Variants in SLIRP observed in about 807,000 individuals in gnomAD.
SLIRP encodes the protein SRA stem-loop-interacting RNA-binding protein, mitochondrial.
A neutral mutation model predicts 13.4 loss-of-function variants in SLIRP; 12 were observed. The observed-to-expected ratio is 0.89, with a 90% CI of 0.57 to 1.45. The LOEUF (loss-of-function observed/expected upper bound fraction) is 1.45, where lower values mean the gene tolerates loss of function less well. SLIRP is among the 40% of genes most tolerant of loss of function. The pLI is 0.00. For synonymous variants in SLIRP, 55 were observed against 47.1 expected, an observed-to-expected ratio of 1.17 and a Z score of -0.69; for missense variants, 154 against 132.2, an observed-to-expected ratio of 1.17 and a Z score of -0.81.
At chr14:77,709,280 A>C (rs772894795) in intron 1 of SLIRP, among the ~76,000 whole-genome samples, 3 of 152,184 alleles carry the variant, frequency 2.0e-5, no homozygotes. Context: ...GTAGATATTC[A>C]TGTTTCAGGT....
intron 3 of SLIRP, chr14:77,716,460 C>G (rs892998491): frequency 2.0e-5 from 3 of 151,526 alleles, no homozygotes; most frequent in African/African-American, 7.3e-5. Context: ...CCAGCCTGAC[C>G]AACATGGAGA....
chr14:77,711,072 G>T (rs2080436587), intron 2 of SLIRP, among the ~76,000 whole-genome samples, 176 bp downstream of exon 2: 1 of 151,894 alleles, frequency 6.6e-6, no homozygotes, highest in Non-Finnish European at 1.5e-5. Flanking sequence ...ATAAATGCCT[G>T]AGGGGATGGA....
Position 77,708,227 on chromosome 14 carries a change from G to A in SLIRP, c.97+19G>A, listed in dbSNP as rs2080411422. The A allele has an allele frequency of 1.2e-6, 2 of 1,612,382 alleles. No individual in the cohort carries two copies. The highest frequency in any genetic ancestry group is 4.5e-5 in the East Asian group (2 of 44,884). ...GCGTCGAGTGAGTGATGGAGATGTG[G>A]GAGTAGTGGAATTTTTAGGTCCAAG... is the stretch of plus-strand genomic sequence containing the variant. On this transcript the variant is annotated intron_variant, in intron 1 of 3. Transcript: ENST00000557342.
In SLIRP at chr14:77,716,664, AT is replaced by A. The variant is rs1303177221; in HGVS notation, c.264+786del. On this transcript the variant is annotated intron_variant, in intron 3 of 3. Coordinates refer to ENST00000557342, the MANE Select transcript of SLIRP (RefSeq NM_031210.6). The stretch of plus-strand genomic sequence containing the variant: ...TCTCAAAAAAAAAAAAAAAAAAAAA[AT>A]GGGGGGTGGTAGAGTGCCCAGTTTT... Among the ~76,000 whole-genome samples the A allele has an allele frequency of 3.6e-4, 45 of 126,680 alleles. No individual in the cohort carries two copies. The East Asian group carries it at 6.5e-3, about 18-fold the overall frequency. 83.1% of individuals were successfully genotyped at this position (126,680 alleles called of 152,430 possible).
chr14:77,715,920 G>T, intron 3 of SLIRP, 41 bp downstream of exon 3: 2 of 1,391,144 alleles, frequency 1.4e-6, no homozygotes, highest in Non-Finnish European at 2.0e-6. Context: ...TGATATACAT[G>T]TAGGTACTAT....
chr14:77,709,857 C>T (rs183559566), intron 1 of SLIRP, among the ~76,000 whole-genome samples: 2 of 152,102 alleles, frequency 1.3e-5, no homozygotes, highest in African/African-American at 4.8e-5. Context: ...AAAATTTAGT[C>T]TCTGTGGATT....
chr14:77,712,274 C>T (rs1186175018), intron 2 of SLIRP, among the ~76,000 whole-genome samples: 1 of 89,162 alleles, frequency 1.1e-5, no homozygotes, highest in African/African-American at 5.1e-5. Context: ...TGGCAAAATT[C>T]CTTTTTTTTT....
At chr14:77,714,721 C>T (rs1377507334) in intron 2 of SLIRP, among the ~76,000 whole-genome samples, 2 of 152,194 alleles carry the variant, frequency 1.3e-5, no homozygotes, top group African/African-American at 4.8e-5. Flanking sequence ...AGAAACTTTC[C>T]GTCTTCTAGG....
At chr14:77,712,471 G>T (rs571233213) in intron 2 of SLIRP, among the ~76,000 whole-genome samples, 3 of 115,728 alleles carry the variant, frequency 2.6e-5, no homozygotes, top group Non-Finnish European at 1.7e-5. Context: ...TTGAGACGGA[G>T]TCTCACTCTG....
intron 2 of SLIRP, among the ~76,000 whole-genome samples, chr14:77,711,235 C>T (rs906643404): frequency 1.1e-4 from 16 of 147,092 alleles, no homozygotes; most frequent in African/African-American, 3.7e-4. Context: ...ATATATACAC[C>T]TAATAATATA....
intron 2 of SLIRP, among the ~76,000 whole-genome samples, chr14:77,714,255 C>G (rs887606956): frequency 1.3e-5 from 2 of 152,166 alleles, no homozygotes; most frequent in African/African-American, 2.4e-5. Flanking sequence ...AGTCTACTCA[C>G]CTCAGCTCCC....
chr14:77,712,256 CAT>C (rs977011599), intron 2 of SLIRP, among the ~76,000 whole-genome samples: 14 of 147,880 alleles, frequency 9.5e-5, no homozygotes, highest in African/African-American at 3.0e-4. Context: ...CAAGCTCCCT[CAT>C]GTGGTTGGCA....
intron 2 of SLIRP, among the ~76,000 whole-genome samples, 199 bp downstream of exon 2, chr14:77,711,095 CAA>C (rs1425027575): frequency 6.6e-6 from 1 of 151,664 alleles, no homozygotes; most frequent in Non-Finnish European, 1.5e-5. Context: ...CCCCATAAGT[CAA>C]AGGATAAATG....
chr14:77,713,382 G>C (rs2080455092), intron 2 of SLIRP, among the ~76,000 whole-genome samples: 1 of 152,076 alleles, frequency 6.6e-6, no homozygotes, highest in Admixed American at 6.6e-5. Flanking sequence ...CACTGTAAGG[G>C]CTGTGGTAAA....
chr14:77,711,267 C>T (rs1333694408), intron 2 of SLIRP, among the ~76,000 whole-genome samples: 4 of 147,044 alleles, frequency 2.7e-5, no homozygotes, highest in Non-Finnish European at 6.0e-5. Context: ...AAATATATAC[C>T]CAAATAAATA....
intron 3 of SLIRP, among the ~76,000 whole-genome samples, chr14:77,716,718 C>G (rs1002712466): frequency 1.3e-5 from 2 of 151,362 alleles, no homozygotes; most frequent in Admixed American, 6.6e-5. Flanking sequence ...ACAAGATGAC[C>G]CTTTAATGGG....
chr14:77,710,227 A>T (rs1433200136), intron 1 of SLIRP, among the ~76,000 whole-genome samples: 1 of 152,128 alleles, frequency 6.6e-6, no homozygotes, highest in African/African-American at 2.4e-5. Flanking sequence ...TACTCAGTGG[A>T]TGTACTTGGT....
At chr14:77,708,281 G>C (rs2080411888) in intron 1 of SLIRP, 73 bp downstream of exon 1, 1 of 1,476,136 alleles carries the variant, frequency 6.8e-7, no homozygotes, top group Non-Finnish European at 9.4e-7. Flanking sequence ...CTTTTTGCAG[G>C]GTACTTAAGT....
intron 3 of SLIRP, chr14:77,716,419 G>C (rs1421800806): frequency 6.6e-6 from 1 of 152,206 alleles, no homozygotes; most frequent in Non-Finnish European, 1.5e-5. Context: ...GGCCGAGGCG[G>C]GGGGGATCAC....
Sources: gnomAD v4.1 joint callset for allele counts (sites outside exome capture counted in the v4.1 genomes callset) on GRCh38, gnomAD v4.1.1 for gene constraint, MANE v1.5 for transcripts, NCBI Gene and HGNC (gene_info 2026-07-23, HGNC 2026-07-21) for gene names.